Variants in CLMP observed in about 807,000 individuals in gnomAD.
CLMP encodes CXADR-like membrane protein.
A neutral mutation model predicts 45.2 loss-of-function variants in CLMP; 27 were observed. The observed-to-expected ratio is 0.60, with a 90% CI of 0.44 to 0.82. The LOEUF (loss-of-function observed/expected upper bound fraction) is 0.82, where lower values mean the gene tolerates loss of function less well. Among genes scored for constraint, CLMP ranks in the 40% least tolerant of loss-of-function variants. The probability of loss-of-function intolerance (pLI) is 0.00; values close to 1 mark genes in which losing one functional copy is unlikely to be tolerated. For missense variants in CLMP, 403 were observed against 448.4 expected (o/e 0.90, Z 0.91); for synonymous variants, 167 against 171.4 (o/e 0.97, Z 0.20).
chr11:123,191,660 G>A (rs1297308553), intron 1 of CLMP, among the ~76,000 whole-genome samples: 1 of 152,212 alleles, frequency 6.6e-6, no homozygotes, highest in Non-Finnish European at 1.5e-5. Flanking sequence ...CTCAAAGCAA[G>A]CTGAATTAAA....
chr11:123,194,273 T>C (rs1263843542), intron 1 of CLMP, among the ~76,000 whole-genome samples: 1 of 152,176 alleles, frequency 6.6e-6, no homozygotes, highest in East Asian at 1.9e-4. Context: ...GCTGCGTTTT[T>C]TCCAAGTCTT....
intron 1 of CLMP, among the ~76,000 whole-genome samples, chr11:123,185,231 T>A (rs1466403317): frequency 1.3e-5 from 2 of 151,982 alleles, no homozygotes; most frequent in Non-Finnish European, 1.5e-5. Context: ...TCGCAGAGGT[T>A]GTGCAGTGAG....
chr11:123,173,194 C>T (rs754431797), intron 1 of CLMP, among the ~76,000 whole-genome samples: 1 of 152,222 alleles, frequency 6.6e-6, no homozygotes, highest in African/African-American at 2.4e-5. Context: ...TAGGTAAGAT[C>T]CCCTGTTGGG....
At chr11:123,194,593 T>A (rs1158438693) in intron 1 of CLMP, among the ~76,000 whole-genome samples, 1 of 152,130 alleles carries the variant, frequency 6.6e-6, no homozygotes, top group Non-Finnish European at 1.5e-5. Flanking sequence ...GGCACAAAAA[T>A]TCCTGGATAA....
chr11:123,150,719 T>C (rs1861326268), intron 1 of CLMP, among the ~76,000 whole-genome samples: 1 of 152,140 alleles, frequency 6.6e-6, no homozygotes, highest in South Asian at 2.1e-4. Flanking sequence ...CATGACTTCT[T>C]TTTTTGTTTT....
chr11:123,194,250 T>C (rs1195071197), intron 1 of CLMP, among the ~76,000 whole-genome samples: 1 of 152,134 alleles, frequency 6.6e-6, no homozygotes, highest in Non-Finnish European at 1.5e-5. Context: ...TTTCCCTCTG[T>C]TCTGGTTCCT....
rs373657851 is a variant in CLMP, at chr11:123,089,794, GAA to G, written c.187-5083_187-5082del. 4.3e-3 allele frequency among the ~76,000 whole-genome samples: 548 copies of G among 126,202 alleles called. 9 individuals carry two copies. The highest frequency in any genetic ancestry group is 0.016 in the African/African-American group (525 of 32,020). The allele number at this position is 126,202 out of a possible 152,430, so 82.8% of individuals were successfully genotyped here. A position where few individuals can be genotyped will look rare whatever the true frequency, so the allele number is the denominator to read the frequency against. The stretch of plus-strand genomic sequence containing the variant: ...TCCATCTCAAAAAAAAAAAAAAAAA[GAA>G]AAAGAAAAAGAAACAAAACAAGGCT... On this transcript the variant is annotated intron_variant, in intron 2 of 6. Coordinates refer to ENST00000448775, the MANE Select transcript of CLMP (RefSeq NM_024769.5).
At position 123,093,350 on chromosome 11, in the gene CLMP, A is replaced by G. The variant is rs995267195; in HGVS notation, c.186+4445T>C. ...TGAAATTATACAATTGCAAGATACT[A>G]TTTTTTGCGGGGTGGGGATGGAGTC... On this transcript the variant is annotated intron_variant, in intron 2 of 6. Transcript: ENST00000448775. Among the ~76,000 whole-genome samples, 9 of 151,142 alleles carry G rather than the reference A, an allele frequency of 6.0e-5. No homozygotes were observed. In the East Asian group the frequency reaches 1.2e-3, roughly 20 times the overall value.
intron 1 of CLMP, among the ~76,000 whole-genome samples, chr11:123,184,858 C>T (rs1233839910): frequency 2.0e-5 from 3 of 152,206 alleles, no homozygotes; most frequent in Non-Finnish European, 2.9e-5. Context: ...ATGTGCCAGC[C>T]GCTCACCGGG....
rs562573433 is a variant in CLMP, at chr11:123,074,670, G to A, written c.821+32C>T. On this transcript the variant is annotated intron_variant, in intron 6 of 6. Transcript: ENST00000448775. ...CTATAGTGCTGGCCCTAAAACAGAAGCCCCGTAAAAGTAGGGATGTGGGAG... is the reference window on the plus strand; with the variant it reads ...CTATAGTGCTGGCCCTAAAACAGAAACCCCGTAAAAGTAGGGATGTGGGAG... 1.9e-6 allele frequency: 3 copies of A among 1,607,468 alleles called. No individual in the cohort carries two copies. The African/African-American group carries it at 4.0e-5, about 22-fold the overall frequency.
At position 123,094,594 on chromosome 11, in the gene CLMP, C is replaced by T. The variant is rs145766800; in HGVS notation, c.186+3201G>A. On this transcript the variant is annotated intron_variant, in intron 2 of 6. Coordinates refer to ENST00000448775, the MANE Select transcript of CLMP (RefSeq NM_024769.5). ...AAATTGTTTTAGAAATGGGAGTTCT[C>T]ACTCTGTTGCTCAGGCCATCTGGAA... Among the ~76,000 whole-genome samples, 1,054 of 152,286 alleles carry T rather than the reference C, an allele frequency of 6.9e-3. 2 individuals are homozygous for T. The highest frequency in any genetic ancestry group is 0.01 in the Middle Eastern group (3 of 294).
chr11:123,119,515 C>G (rs1196960575), intron 1 of CLMP, among the ~76,000 whole-genome samples: 2 of 152,116 alleles, frequency 1.3e-5, no homozygotes, highest in Non-Finnish European at 2.9e-5. Flanking sequence ...GGGCAGTTCA[C>G]AAATCTAATT....
chr11:123,117,647 G>A (rs143000275), intron 1 of CLMP, among the ~76,000 whole-genome samples: 3,446 of 151,944 alleles, frequency 0.023, 131 homozygotes, highest in African/African-American at 0.077. Flanking sequence ...GGCTGGTCTC[G>A]AACTCCTAAC....
In CLMP at chr11:123,181,004, T is replaced by C. The variant is rs566994199; in HGVS notation, c.28+13909A>G. Reference sequence around the variant, plus strand: ...CCCGGGGTGTGTGCATGTGAGAGGGTCTCTGCCTCCAACCTCAGTGTCAAG... The same window carrying C: ...CCCGGGGTGTGTGCATGTGAGAGGGCCTCTGCCTCCAACCTCAGTGTCAAG... On this transcript the variant is annotated intron_variant, in intron 1 of 6. Transcript: ENST00000448775. 1.2e-3 allele frequency among the ~76,000 whole-genome samples: 179 copies of C among 151,868 alleles called. 1 individual carries two copies. The highest frequency in any genetic ancestry group is 1.8e-3 in the Non-Finnish European group (123 of 67,926).
chr11:123,134,130 C>T (rs1258947120), intron 1 of CLMP, among the ~76,000 whole-genome samples: 4 of 151,902 alleles, frequency 2.6e-5, no homozygotes, highest in Non-Finnish European at 5.9e-5. Flanking sequence ...CGTGGTGGCA[C>T]ACACCTGTAA....
At chr11:123,186,498 A>G (rs1007519950) in intron 1 of CLMP, among the ~76,000 whole-genome samples, 2 of 151,296 alleles carry the variant, frequency 1.3e-5, no homozygotes, top group Non-Finnish European at 2.9e-5. Flanking sequence ...GTAGCTGTGG[A>G]GAGTTGGGGC....
intron 5 of CLMP, among the ~76,000 whole-genome samples, chr11:123,080,714 GT>G (rs1218873007): frequency 1.3e-5 from 2 of 152,106 alleles, no homozygotes; most frequent in African/African-American, 4.8e-5. Flanking sequence ...AATAAGTAGA[GT>G]ATATAAATAC....
At chr11:123,075,170 T>G (rs1312904332) in intron 5 of CLMP, among the ~76,000 whole-genome samples, 1 of 151,786 alleles carries the variant, frequency 6.6e-6, no homozygotes, top group African/African-American at 2.4e-5. Flanking sequence ...GTCAGGCTGG[T>G]CGCAAACTCC....
At chr11:123,169,552 G>A (rs550734601) in intron 1 of CLMP, among the ~76,000 whole-genome samples, 9 of 152,238 alleles carry the variant, frequency 5.9e-5, no homozygotes, top group Admixed American at 2.0e-4. Context: ...AGATAGGGAG[G>A]TTTTTACTCC....
Sources: gnomAD v4.1 joint callset for allele counts (sites outside exome capture counted in the v4.1 genomes callset) on GRCh38, gnomAD v4.1.1 for gene constraint, MANE v1.5 for transcripts, NCBI Gene and HGNC (gene_info 2026-07-23, HGNC 2026-07-21) for gene names.